Variants in ARSG observed in about 807,000 individuals in gnomAD.
ARSG encodes ASG.
ARSG carries 37 observed loss-of-function variants against 50.5 expected under a neutral mutation model. That is an observed-to-expected ratio of 0.73 (90% CI 0.56 to 0.96). The LOEUF (loss-of-function observed/expected upper bound fraction) is 0.96, where lower values mean the gene tolerates loss of function less well. Among genes scored for constraint, ARSG ranks in the 50% least tolerant of loss-of-function variants. The pLI is 0.00. For synonymous variants in ARSG, 225 were observed against 254.6 expected (o/e 0.88, Z 1.11); for missense variants, 629 against 675.3 (o/e 0.93, Z 0.76).
Position 68,337,766 on chromosome 17 carries a change from T to C in ARSG, c.219-5838T>C, listed in dbSNP as rs544880870. On this transcript the variant is annotated intron_variant, in intron 2 of 11. Transcript: ENST00000621439. ...CCGAGTAGCTGAGACTACAGGCATGTGCCACCACGCCCGGCTAATTTTGTA... is the reference window on the plus strand; with the variant it reads ...CCGAGTAGCTGAGACTACAGGCATGCGCCACCACGCCCGGCTAATTTTGTA... Among the ~76,000 whole-genome samples, 17 of 152,220 alleles carry C rather than the reference T, an allele frequency of 1.1e-4. No homozygotes were observed. The East Asian group carries it at 1.5e-3, about 14-fold the overall frequency.
At position 68,300,823 on chromosome 17, in the gene ARSG, G is replaced by A. The variant is rs148938244; in HGVS notation, c.-551-6120G>A. ...TGGGTTCACAGAAATGATATTGCCC[G>A]AAACAGTGTCTGGTGTGAGGTCTCC... On this transcript the variant is annotated intron_variant, in intron 1 of 11. Transcript: ENST00000621439. 2.9e-3 allele frequency among the ~76,000 whole-genome samples: 433 copies of A among 150,848 alleles called. 1 individual carries two copies. Among genetic ancestry groups the A allele is most frequent in the African/African-American group, 9.8e-3 (403 of 41,116 alleles).
At chr17:68,283,488 T>C (rs2075763792) in intron 1 of ARSG, among the ~76,000 whole-genome samples, 1 of 141,986 alleles carries the variant, frequency 7.0e-6, no homozygotes, top group East Asian at 2.1e-4. Flanking sequence ...GCCACTGCAC[T>C]CCAGCCTGGG....
intron 9 of ARSG, among the ~76,000 whole-genome samples, chr17:68,390,132 C>T (rs1195217382): frequency 6.6e-6 from 1 of 152,076 alleles, no homozygotes; most frequent in Non-Finnish European, 1.5e-5. Flanking sequence ...GGACTACAGG[C>T]ATGCGCCACC....
chr17:68,423,764 C>T (rs986099910), downstream of ARSG, among the ~76,000 whole-genome samples: 3 of 152,150 alleles, frequency 2.0e-5, no homozygotes, highest in Non-Finnish European at 4.4e-5. This position sits in a 1 kb window ranked among gnomAD's most constrained non-coding sequence, Gnocchi z 4.4. Context: ...ATGATCTGCA[C>T]AAGGTACCTA....
At chr17:68,382,561 C>A (rs2080487861) in intron 8 of ARSG, among the ~76,000 whole-genome samples, 1 of 152,126 alleles carries the variant, frequency 6.6e-6, no homozygotes, top group Admixed American at 6.5e-5. Flanking sequence ...AGAATTTAGC[C>A]TTTGCTGGTG....
downstream of ARSG, chr17:68,422,809 T>C (rs1272497771): frequency 6.6e-6 from 1 of 150,384 alleles, no homozygotes; most frequent in South Asian, 2.1e-4. Context: ...GCTCACAAGA[T>C]TGGGACTAGT....
the ARSG span, among the ~76,000 whole-genome samples, chr17:68,445,769 A>C: frequency 6.6e-6 from 1 of 152,222 alleles, no homozygotes; most frequent in Non-Finnish European, 1.5e-5. Flanking sequence ...GGTGTCAGGA[A>C]GGCATTTCTG....
At position 68,385,048 on chromosome 17, in the gene ARSG, T is replaced by A; in HGVS notation, c.983-16T>A. 1 of 1,605,408 alleles carries A rather than the reference T, an allele frequency of 6.2e-7. No homozygotes were observed. The highest frequency in any genetic ancestry group is 8.5e-7 in the Non-Finnish European group (1 of 1,172,268). ...TATCACCATGGATGAACCAGCTGCC[T>A]CCCCTCCTCTCACAGGGGGAAGTCC... is the stretch of plus-strand genomic sequence containing the variant. On this transcript the variant is annotated splice_polypyrimidine_tract_variant and intron_variant, in intron 8 of 11. Transcript: ENST00000621439.
At chr17:68,304,255 G>A (rs577102938) in intron 1 of ARSG, among the ~76,000 whole-genome samples, 8 of 152,240 alleles carry the variant, frequency 5.3e-5, no homozygotes, top group Non-Finnish European at 1.2e-4. Context: ...GTCCACAGGT[G>A]TTTGTTAACC....
intron 8 of ARSG, chr17:68,379,888 A>G: frequency 1.0e-6 from 1 of 984,178 alleles, no homozygotes; most frequent in Admixed American, 6.1e-5. Context: ...ATGCAAAAGT[A>G]CCTTGCTTGA....
intron 5 of ARSG, among the ~76,000 whole-genome samples, chr17:68,352,313 A>G (rs1414654480): frequency 6.7e-6 from 1 of 150,374 alleles, no homozygotes; most frequent in African/African-American, 2.4e-5. Context: ...ATTTAATGAA[A>G]TGGGAAAATG....
intron 6 of ARSG, among the ~76,000 whole-genome samples, chr17:68,366,780 A>G (rs2079568637): frequency 6.6e-6 from 1 of 152,150 alleles, no homozygotes; most frequent in African/African-American, 2.4e-5. Context: ...TTTTAAATGT[A>G]AAGTTCTGTC....
the ARSG span, chr17:68,435,593 C>G: frequency 3.7e-6 from 6 of 1,610,598 alleles, no homozygotes; most frequent in South Asian, 5.5e-5. Context: ...GAAACCCAGA[C>G]AGAGGTGTTG....
At chr17:68,275,205 C>T (rs1360619505) in intron 1 of ARSG, among the ~76,000 whole-genome samples, 4 of 152,166 alleles carry the variant, frequency 2.6e-5, no homozygotes, top group Non-Finnish European at 5.9e-5. Flanking sequence ...GCTGTATCCC[C>T]TAGGACATTT....
intron 6 of ARSG, among the ~76,000 whole-genome samples, chr17:68,361,531 TAGTG>T (rs933081406): frequency 1.3e-5 from 2 of 150,906 alleles, no homozygotes; most frequent in African/African-American, 4.9e-5. Context: ...CTGCACAACA[TAGTG>T]AGACCACCCC....
downstream of ARSG, chr17:68,421,967 C>T: frequency 1.1e-6 from 1 of 880,754 alleles, no homozygotes; most frequent in Non-Finnish European, 1.9e-6. Flanking sequence ...CTCATGGCCA[C>T]AGAATGGTCA....
At chr17:68,303,778 C>T (rs1555762882) in intron 1 of ARSG, among the ~76,000 whole-genome samples, 1 of 152,180 alleles carries the variant, frequency 6.6e-6, no homozygotes, top group Non-Finnish European at 1.5e-5. Flanking sequence ...TTGAGCTCAA[C>T]GTTTGAGCTT....
At chr17:68,363,451 T>G (rs182084023) in intron 6 of ARSG, among the ~76,000 whole-genome samples, 2 of 134,042 alleles carry the variant, frequency 1.5e-5, no homozygotes, top group Admixed American at 1.6e-4. Context: ...TGAGCCCTAG[T>G]ACGTTTCTTT....
intron 9 of ARSG, among the ~76,000 whole-genome samples, chr17:68,390,264 G>A (rs907073863): frequency 2.0e-5 from 3 of 151,822 alleles, no homozygotes; most frequent in East Asian, 1.9e-4. Context: ...CATCCTCCTC[G>A]CCACCACTGC....
Sources: allele counts gnomAD v4.1 joint callset (sites outside exome capture counted in the v4.1 genomes callset), GRCh38; gene constraint gnomAD v4.1.1; non-coding constraint Gnocchi (gnomAD v3.1); transcripts MANE v1.5; gene names NCBI Gene and HGNC (gene_info 2026-07-23, HGNC 2026-07-21).